DOCK1: variants seen among roughly 807,000 people sequenced by gnomAD.
DOCK1 encodes dedicator of cytokinesis protein 1.
In DOCK1, 138 loss-of-function variants were observed where a neutral mutation model predicts 262.7. The ratio of observed to expected loss-of-function variants is 0.53; its 90% CI spans 0.46 to 0.61. The LOEUF (loss-of-function observed/expected upper bound fraction) is 0.61. Among genes scored for constraint, DOCK1 ranks in the 20% least tolerant of loss-of-function variants. DOCK1 has a pLI of 0.00. For synonymous variants in DOCK1, 866 were observed against 867.4 expected, an observed-to-expected ratio of 1.00 and a Z score of 0.03; for missense variants, 1,908 against 2,370.7, an observed-to-expected ratio of 0.80 and a Z score of 4.05.
rs1171265832 is a variant in DOCK1 at position 127,176,097 on chromosome 10, G to A, written c.2847+48333G>A. 2.5e-6 allele frequency: 4 copies of A among 1,614,018 alleles called. No homozygotes were observed. The highest frequency in any genetic ancestry group is 2.2e-5 in the East Asian group (1 of 44,866). ...CGAGGTCTGCACGCCTGTGCTCTTG[G>A]TGACGTTGGGGATGGACCTGCGTGC... On this transcript the variant is annotated intron_variant, in intron 27 of 51. Coordinates refer to ENST00000623213, the MANE Select transcript of DOCK1 (RefSeq NM_001290223.2). The surrounding 1 kb of genome is among the most constrained non-coding windows in gnomAD (Gnocchi z 4.4).
chr10:127,249,232 T>C (rs1335675622), intron 28 of DOCK1, among the ~76,000 whole-genome samples: 2 of 152,140 alleles, frequency 1.3e-5, no homozygotes, highest in African/African-American at 2.4e-5. Context: ...TTATTTCTAA[T>C]ACATAATTTT....
intron 29 of DOCK1, among the ~76,000 whole-genome samples, chr10:127,275,783 GA>G (rs912155240): frequency 3.5e-5 from 5 of 141,762 alleles, no homozygotes; most frequent in African/African-American, 1.4e-4. Flanking sequence ...TTGGATGATG[GA>G]AAAAAACCCA....
rs60211654 is a variant in DOCK1 at position 127,341,994 on chromosome 10, A to T, written c.3124-1652A>T. On this transcript the variant is annotated intron_variant, in intron 30 of 51. Coordinates refer to ENST00000623213, the MANE Select transcript of DOCK1 (RefSeq NM_001290223.2). ...CTGGCTCAAAGGCAGCCCTGGTCCT[A>T]TGTAGGAAAAGAAAGAATTAGGAGT... Among the ~76,000 whole-genome samples, 1,399 of 152,280 alleles carry T rather than the reference A, an allele frequency of 9.2e-3. 14 individuals are homozygous for T. Among genetic ancestry groups the T allele is most frequent in the African/African-American group, 0.032 (1,320 of 41,536 alleles).
At chr10:127,132,499 G>A (rs921552151) in intron 27 of DOCK1, among the ~76,000 whole-genome samples, 1 of 152,168 alleles carries the variant, frequency 6.6e-6, no homozygotes, top group South Asian at 2.1e-4. Flanking sequence ...TTTATATTAA[G>A]TCAGACTTCA....
chr10:127,180,082 T>C (rs1182792267), intron 27 of DOCK1, among the ~76,000 whole-genome samples: 1 of 152,164 alleles, frequency 6.6e-6, no homozygotes. Flanking sequence ...CCTAACCCAC[T>C]ACCCCTGCTC....
At chr10:127,039,903 A>C (rs542638566) in intron 19 of DOCK1, among the ~76,000 whole-genome samples, 1 of 152,206 alleles carries the variant, frequency 6.6e-6, no homozygotes, top group Non-Finnish European at 1.5e-5. Flanking sequence ...GTGCCCTTGA[A>C]CATGGTCTTA....
rs2039716228 is a variant in DOCK1, at chr10:126,990,527, C to G, written c.397C>G (p.Leu133Val). The G allele has an allele frequency of 6.2e-7, 1 of 1,613,570 alleles. No individual in the cohort carries two copies. The highest frequency in any genetic ancestry group is 1.3e-5 in the African/African-American group (1 of 74,868). The change falls in exon 6 of 52, where the codon CTT becomes GTT. Residue 133 changes from leucine (L) to valine (V), a missense_variant. Transcript: ENST00000623213. ...CCTTATTGAATGGCGATCACAAATT[C>G]TTTCTGGAACTCTGCCTCAGGATGA... ...YDLIEWRSQI[L>V]SGTLPQDELK...
chr10:127,036,544 G>A (rs2043628719), intron 18 of DOCK1, among the ~76,000 whole-genome samples: 1 of 151,952 alleles, frequency 6.6e-6, no homozygotes, highest in Non-Finnish European at 1.5e-5. Context: ...GTTGGTTCAT[G>A]AGCATAACGG....
chr10:127,177,605 C>T (rs1564874401), intron 27 of DOCK1, among the ~76,000 whole-genome samples: 1 of 152,156 alleles, frequency 6.6e-6, no homozygotes, highest in Non-Finnish European at 1.5e-5. Flanking sequence ...TGGACATGGG[C>T]CCGTGAGAGC....
At chr10:126,994,318 T>G (rs2040012194) in intron 6 of DOCK1, among the ~76,000 whole-genome samples, 1 of 152,166 alleles carries the variant, frequency 6.6e-6, no homozygotes, top group South Asian at 2.1e-4. Flanking sequence ...TTTATTTATT[T>G]ATTTATTTAT....
intron 38 of DOCK1, among the ~76,000 whole-genome samples, chr10:127,391,599 G>C (rs2066482332): frequency 1.2e-5 from 1 of 82,336 alleles, no homozygotes; most frequent in Non-Finnish European, 2.4e-5. Flanking sequence ...ATCTGTCTAT[G>C]CACGTGCCTT....
intron 1 of DOCK1, among the ~76,000 whole-genome samples, chr10:126,954,996 G>A (rs1448857359): frequency 2.0e-5 from 3 of 152,172 alleles, no homozygotes; most frequent in Non-Finnish European, 2.9e-5. Flanking sequence ...CGGTTTTTCC[G>A]CGGCTGCACC....
At chr10:127,117,675 G>C (rs1184508298) in intron 25 of DOCK1, among the ~76,000 whole-genome samples, 1 of 152,120 alleles carries the variant, frequency 6.6e-6, no homozygotes, top group Non-Finnish European at 1.5e-5. Flanking sequence ...TCACTTCTGG[G>C]TGGGCTTCTG....
chr10:127,017,960 A>C (rs1313229336), intron 12 of DOCK1, among the ~76,000 whole-genome samples: 1 of 152,140 alleles, frequency 6.6e-6, no homozygotes, highest in Admixed American at 6.5e-5. Flanking sequence ...TGCAGGGAGG[A>C]AGATCCCGCG....
At chr10:126,989,470 C>T (rs2039645755) in intron 5 of DOCK1, among the ~76,000 whole-genome samples, 1 of 152,040 alleles carries the variant, frequency 6.6e-6, no homozygotes, top group Non-Finnish European at 1.5e-5. Context: ...GGGACTACAC[C>T]TGTGAGCCAC....
At chr10:127,080,546 G>A (rs1023506710) in intron 23 of DOCK1, among the ~76,000 whole-genome samples, 4 of 151,922 alleles carry the variant, frequency 2.6e-5, no homozygotes, top group African/African-American at 7.3e-5. Flanking sequence ...ATGTCACGTC[G>A]CCTGGAGCTG....
chr10:127,417,908 C>T (rs918211813), intron 44 of DOCK1, among the ~76,000 whole-genome samples: 2 of 152,082 alleles, frequency 1.3e-5, no homozygotes, highest in Non-Finnish European at 2.9e-5. Flanking sequence ...GTGTGTGGTG[C>T]CATGGCGGAG....
At position 127,068,800 on chromosome 10, in the gene DOCK1, TAC is replaced by T. The variant is rs142740686; in HGVS notation, c.2445+7039_2445+7040del. Among the ~76,000 whole-genome samples, 1,223 of 151,676 alleles carry T rather than the reference TAC, an allele frequency of 8.1e-3. 17 individuals carry two copies. Among genetic ancestry groups the T allele is most frequent in the African/African-American group, 0.028 (1,172 of 41,414 alleles). On this transcript the variant is annotated intron_variant, in intron 23 of 51. Coordinates refer to ENST00000623213, the MANE Select transcript of DOCK1 (RefSeq NM_001290223.2). The stretch of plus-strand genomic sequence containing the variant: ...TGTATAGTATAAATTCTCATGTGTA[TAC>T]ACACACACACACACTTTTACAGTGT...
intron 46 of DOCK1, among the ~76,000 whole-genome samples, chr10:127,421,734 C>G (rs1444577865): frequency 6.6e-6 from 1 of 152,218 alleles, no homozygotes; most frequent in African/African-American, 2.4e-5. Context: ...ACTTGTCCTT[C>G]TGTGTCTGGC....
Sources: allele counts gnomAD v4.1 joint callset (sites outside exome capture counted in the v4.1 genomes callset), GRCh38; gene constraint gnomAD v4.1.1; non-coding constraint Gnocchi (gnomAD v3.1); transcripts MANE v1.5; gene names NCBI Gene and HGNC (gene_info 2026-07-23, HGNC 2026-07-21).